Variants in IARS1 observed in about 807,000 individuals in gnomAD.
IARS1 encodes isoleucine--tRNA ligase, cytoplasmic.
A neutral mutation model predicts 168.2 loss-of-function variants in IARS1; 124 were observed. The ratio of observed to expected loss-of-function variants is 0.74; its 90% confidence interval spans 0.64 to 0.86. The LOEUF is 0.86. Ranked by LOEUF, IARS1 falls within the 40% of genes least tolerant of loss-of-function variation. The probability of loss-of-function intolerance (pLI) is 0.00; values close to 1 mark genes in which losing one functional copy is unlikely to be tolerated. For missense variants in IARS1, 1,452 were observed against 1,515.8 expected (o/e 0.96, Z 0.70); for synonymous variants, 532 against 529.4 (o/e 1.00, Z -0.07).
At chr9:92,278,693 A>C (rs1369294256) in intron 7 of IARS1, among the ~76,000 whole-genome samples, 1 of 152,178 alleles carries the variant, frequency 6.6e-6, no homozygotes, top group Non-Finnish European at 1.5e-5. Flanking sequence ...TATACAAACA[A>C]ACATATAGGT....
At chr9:92,250,519 G>T (rs1360117556) in intron 23 of IARS1, among the ~76,000 whole-genome samples, 194 bp downstream of exon 23, 1 of 152,114 alleles carries the variant, frequency 6.6e-6, no homozygotes, top group Non-Finnish European at 1.5e-5. Flanking sequence ...TCTACAAAGG[G>T]GTTCCACACC....
rs752802962 is a variant in IARS1, at chr9:92,285,771, G to A, written c.548C>T (p.Thr183Met). The change falls in exon 6 of 34, where the codon ACG becomes ATG. Residue 183 changes from threonine to methionine, a missense_variant. Coordinates refer to ENST00000443024, the MANE Select transcript of IARS1 (RefSeq NM_002161.6). ...GTTGGAAAGTGGAGTGTTACATGCC[G>A]TAGAGAAGGGCATGACTTTCACACC... ...YRGVKVMPFS[T>M]ACNTPLSNFE... 8 of 1,613,056 alleles carry A rather than the reference G, an allele frequency of 5.0e-6. No homozygotes were observed. The highest frequency in any genetic ancestry group is 1.7e-5 in the Admixed American group (1 of 60,008).
At chr9:92,231,613 A>T (rs1372253928) in intron 30 of IARS1, among the ~76,000 whole-genome samples, 8 of 147,192 alleles carry the variant, frequency 5.4e-5, no homozygotes, top group Admixed American at 2.0e-4. Context: ...TTTTTAGTAG[A>T]GATGGAGTTT....
chr9:92,248,683 T>G (rs1441733718), intron 25 of IARS1, among the ~76,000 whole-genome samples: 1 of 149,416 alleles, frequency 6.7e-6, no homozygotes, highest in Admixed American at 6.7e-5. Flanking sequence ...AAAAAATTTC[T>G]ATTTTATGCA....
rs780741019 is a variant in IARS1 at position 92,287,702 on chromosome 9, T to TA, written c.396+88dup. The stretch of plus-strand genomic sequence containing the variant: ...ACTTTTTCTACAAAAAATAAATTAA[T>TA]AAAAAAAGCACAAGGGACCATAAAC... On this transcript the variant is annotated intron_variant, in intron 4 of 33. Transcript: ENST00000443024. 6 of 1,378,266 alleles carry TA rather than the reference T, an allele frequency of 4.4e-6. No individual in the cohort carries two copies. The African/African-American group carries it at 4.4e-5, about 10-fold the overall frequency. The allele number at this position is 1,378,266 out of a possible 1,614,324, so 85.4% of individuals were successfully genotyped here.
intron 8 of IARS1, 59 bp from the exon 9 acceptor site, chr9:92,277,982 C>A: frequency 2.0e-6 from 3 of 1,499,328 alleles, no homozygotes; most frequent in Non-Finnish European, 2.8e-6. Context: ...AGGCTGCAGC[C>A]ACATCAAGCT....
At chr9:92,270,789 C>T (rs1832911974) in intron 12 of IARS1, among the ~76,000 whole-genome samples, 196 bp downstream of exon 12, 1 of 152,028 alleles carries the variant, frequency 6.6e-6, no homozygotes, top group South Asian at 2.1e-4. Context: ...GAGTGAGACC[C>T]TATCTCAAAA....
At chr9:92,252,080 T>A (rs1830080895) in intron 21 of IARS1, among the ~76,000 whole-genome samples, 195 bp from the exon 22 acceptor site, 1 of 152,214 alleles carries the variant, frequency 6.6e-6, no homozygotes. Context: ...TTCAGGGCAG[T>A]GCAGGAGGCC....
rs964791453 is a variant in IARS1 at position 92,285,835 on chromosome 9, C to T, written c.484G>A (p.Val162Ile). ...YPQFMESVWW[V>I]FKQLYDKGLV... ...CCTTTATCATAGAGTTGTTTGAAGA[C>T]CCACCTGGTAAGAGATGGAGTTTCA... The change falls in exon 6 of 34, where the codon GTC (valine) becomes ATC (isoleucine). Residue 162 changes from valine to isoleucine, a missense_variant. Transcript: ENST00000443024. The T allele has an allele frequency of 6.4e-7, 1 of 1,570,384 alleles. No homozygotes were observed. The highest frequency in any genetic ancestry group is 1.7e-5 in the Admixed American group (1 of 59,712).
intron 30 of IARS1, among the ~76,000 whole-genome samples, chr9:92,231,046 T>A (rs538578043): frequency 6.6e-6 from 1 of 152,246 alleles, no homozygotes; most frequent in Non-Finnish European, 1.5e-5. Context: ...TTGTCTTTCA[T>A]CCTTTTATAG....
At chr9:92,274,552 T>A in intron 9 of IARS1, 31 bp from the exon 10 acceptor site, 1 of 1,479,740 alleles carries the variant, frequency 6.8e-7, no homozygotes, top group Non-Finnish European at 9.5e-7. Context: ...GCTTCAGGGA[T>A]GAAACATTAC....
rs757932931 is a variant in IARS1 at position 92,253,439 on chromosome 9, T to A, written c.2152A>T (p.Thr718Ser). 1 of 1,612,098 alleles carries A rather than the reference T, an allele frequency of 6.2e-7. No individual in the cohort carries two copies. The highest frequency in any genetic ancestry group is 1.7e-5 in the Admixed American group (1 of 59,966). Residue 718 changes from threonine to serine, a missense_variant, in exon 21 of 34, where the codon ACT becomes TCT. Transcript: ENST00000443024. ...ETEMAAYRLY[T>S]VVPRLVKFVD... The stretch of plus-strand genomic sequence containing the variant: ...AACTTGACCAGGCGAGGCACCACAG[T>A]ATAAAGCCTATAAGCTAAAAGTAAG...
chr9:92,274,484 T>C lies in IARS1; in HGVS notation c.932A>G (p.Asn311Ser). The stretch of plus-strand genomic sequence containing the variant: ...TGTGCCTTCTTCTTCCTTCACATAG[T>C]TGTCAACAAGCACAGTGAAAGCGCC... ...ENGAFTVLVDNYVKEEEGTGV... is the reference protein window; with the variant it reads ...ENGAFTVLVDSYVKEEEGTGV... Residue 311 changes from asparagine (N) to serine (S), a missense_variant, in exon 10 of 34, where the codon AAC becomes AGC. Physicochemically the swap from Asn to Ser is conservative, Grantham distance 46. Transcript: ENST00000443024. 1.2e-6 allele frequency: 2 copies of C among 1,613,910 alleles called. No individual in the cohort carries two copies. Among genetic ancestry groups the C allele is most frequent in the Non-Finnish European group, 8.5e-7 (1 of 1,179,870 alleles).
chr9:92,210,785 GAAC>G lies in IARS1; in HGVS notation c.*19_*21del. 1 of 1,494,948 alleles carries G rather than the reference GAAC, an allele frequency of 6.7e-7. No homozygotes were observed. The highest frequency in any genetic ancestry group is 9.3e-7 in the Non-Finnish European group (1 of 1,072,330). The allele number at this position is 1,494,948 out of a possible 1,614,324, so 92.6% of individuals were successfully genotyped here. ...AGGTGTAATTAGGGAAGGGCTGACC[GAAC>G]AACATTGATAAGTACATGCTAGAAG... On this transcript the variant is annotated 3_prime_UTR_variant, in exon 34 of 34. Transcript: ENST00000443024.
chr9:92,226,560 G>A (rs897017570), intron 31 of IARS1, among the ~76,000 whole-genome samples: 1 of 152,182 alleles, frequency 6.6e-6, no homozygotes, highest in African/African-American at 2.4e-5. Flanking sequence ...CAGGGGGCTA[G>A]GGAATAAAAA....
intron 33 of IARS1, among the ~76,000 whole-genome samples, chr9:92,214,613 T>C (rs1000870187): frequency 2.0e-5 from 3 of 151,530 alleles, no homozygotes; most frequent in African/African-American, 7.3e-5. Context: ...ACTTGGGAAG[T>C]GCAAGGGGTC....
rs374719619 is a variant in IARS1, at chr9:92,286,595, T to C, written c.420A>G (p.Arg140=). The C allele has an allele frequency of 8.8e-6, 14 of 1,590,188 alleles. No individual in the cohort carries two copies. Among genetic ancestry groups the C allele is most frequent in the Non-Finnish European group, 1.2e-5 (14 of 1,158,374 alleles). The change falls in exon 5 of 34, where the codon CGA becomes CGG. Residue 140 remains arginine, a synonymous_variant. Coordinates refer to ENST00000443024, the MANE Select transcript of IARS1 (RefSeq NM_002161.6). Reference sequence around the variant, plus strand: ...TATAGTCATTGTCAAAGTCAATCCATCGGCCAAGTCTGCTAACAGTAGACT... The same window carrying C: ...TATAGTCATTGTCAAAGTCAATCCACCGGCCAAGTCTGCTAACAGTAGACT... ...EWKSTVSRLG[R]WIDFDNDYKT...
chr9:92,286,543 A>T lies in IARS1; in HGVS notation c.472T>A (p.Ser158Thr). 6.4e-7 allele frequency: 1 copy of T among 1,559,612 alleles called. No homozygotes were observed. ...AATTTTAAATAAACCTACCAGACTG[A>T]TTCCATGAATTGTGGATACAGAGTT... ...YKTLYPQFME[S>T]VWWVFKQLYD... is the part of the protein sequence containing the mutation. Residue 158 changes from serine (S) to threonine (T), a missense_variant, in exon 5 of 34, where the codon TCA becomes ACA. By Grantham distance (58) the Ser-to-Thr change is moderately conservative. Transcript: ENST00000443024.
intron 6 of IARS1, among the ~76,000 whole-genome samples, chr9:92,285,165 A>G (rs1045194340): frequency 2.6e-5 from 4 of 151,822 alleles, no homozygotes; most frequent in African/African-American, 9.7e-5. Context: ...GAGATGGTTC[A>G]CATTTCAGAA....
Sources: allele counts gnomAD v4.1 joint callset (sites outside exome capture counted in the v4.1 genomes callset), GRCh38; gene constraint gnomAD v4.1.1; transcripts MANE v1.5; gene names NCBI Gene and HGNC (gene_info 2026-07-23, HGNC 2026-07-21).